PCSK6: variants seen among roughly 807,000 people sequenced by gnomAD.
PCSK6 encodes the protein proprotein convertase subtilisin/kexin type 6, also known as paired basic amino acid cleaving enzyme 4.
A neutral mutation model predicts 123.3 loss-of-function variants in PCSK6; 85 were observed. The observed-to-expected ratio is 0.69, with a 90% CI of 0.58 to 0.83. The LOEUF (loss-of-function observed/expected upper bound fraction) is 0.83. Among genes scored for constraint, PCSK6 ranks in the 40% least tolerant of loss-of-function variants. The probability of loss-of-function intolerance (pLI) is 0.00; values close to 1 mark genes in which losing one functional copy is unlikely to be tolerated. For synonymous variants in PCSK6, 508 were observed against 516.0 expected, an observed-to-expected ratio of 0.98 and a Z score of 0.21; for missense variants, 1,191 against 1,282.3, an observed-to-expected ratio of 0.93 and a Z score of 1.09.
At chr15:101,351,595 G>A (rs1384579501) in intron 13 of PCSK6, among the ~76,000 whole-genome samples, 2 of 152,126 alleles carry the variant, frequency 1.3e-5, no homozygotes, top group East Asian at 1.9e-4. Context: ...TATAATACAA[G>A]CAATGTATAT....
chr15:101,451,813 A>G (rs2057043704), intron 1 of PCSK6, among the ~76,000 whole-genome samples: 1 of 152,208 alleles, frequency 6.6e-6, no homozygotes, highest in African/African-American at 2.4e-5. Flanking sequence ...TAGACTCTAT[A>G]AAAACCTACA....
intron 6 of PCSK6, among the ~76,000 whole-genome samples, chr15:101,419,383 A>C (rs2056002403): frequency 6.6e-6 from 1 of 152,186 alleles, no homozygotes. Context: ...GATATGGAGA[A>C]AGTGATAAAA....
chr15:101,451,870 AC>A (rs1429246242), intron 1 of PCSK6, among the ~76,000 whole-genome samples: 2 of 152,240 alleles, frequency 1.3e-5, no homozygotes, highest in Non-Finnish European at 2.9e-5. Context: ...CCTGAAAAAA[AC>A]GTTATAAATA....
rs372254044 is a variant in PCSK6 at position 101,389,575 on chromosome 15, G to C, written c.1210-11C>G. ...CAGATCCGTGGTGACCTGGGGGAGA[G>C]AGAAGCACAGTGAGGCAGTGATGGC... On this transcript the variant is annotated splice_polypyrimidine_tract_variant and intron_variant, in intron 8 of 21. Transcript: ENST00000611716. 31 of 1,601,642 alleles carry C rather than the reference G, an allele frequency of 1.9e-5. No individual in the cohort carries two copies. The highest frequency in any genetic ancestry group is 2.6e-5 in the Non-Finnish European group (30 of 1,170,544).
intron 3 of PCSK6, 81 bp downstream of exon 3, chr15:101,431,909 C>A: frequency 1.0e-6 from 1 of 987,666 alleles, no homozygotes; most frequent in Admixed American, 2.0e-5. Context: ...TTGAATTTAG[C>A]TTTGTTGAGG....
chr15:101,476,590 T>C (rs1166150522), intron 1 of PCSK6, among the ~76,000 whole-genome samples: 1 of 151,862 alleles, frequency 6.6e-6, no homozygotes, highest in Non-Finnish European at 1.5e-5. Context: ...CAAAAATTCT[T>C]TTTGTGTGTA....
chr15:101,394,872 C>T (rs533508208), intron 7 of PCSK6, among the ~76,000 whole-genome samples: 7 of 152,320 alleles, frequency 4.6e-5, no homozygotes, highest in Admixed American at 3.9e-4. Context: ...AAGGCTGCCG[C>T]GTCCACTCTG....
chr15:101,455,144 G>C (rs1265297610), intron 1 of PCSK6, among the ~76,000 whole-genome samples: 2 of 142,436 alleles, frequency 1.4e-5, no homozygotes, highest in Non-Finnish European at 3.2e-5. Flanking sequence ...ATGTGTATTT[G>C]ACCACAGCAA....
chr15:101,447,588 A>G lies in PCSK6; in HGVS notation c.298-3928T>C, dbSNP rs573803357. ...ACTGCCACACTTTTAGGACCTCTTCAGGGTCAAATGGACAGCGGTGGACTC... is the reference window on the plus strand; with the variant it reads ...ACTGCCACACTTTTAGGACCTCTTCGGGGTCAAATGGACAGCGGTGGACTC... On this transcript the variant is annotated intron_variant, in intron 1 of 21. Transcript: ENST00000611716. Among the ~76,000 whole-genome samples, 4 of 152,350 alleles carry G rather than the reference A, an allele frequency of 2.6e-5. No individual in the cohort carries two copies. The East Asian group carries it at 7.7e-4, about 29-fold the overall frequency.
chr15:101,418,007 A>C (rs940762789), intron 6 of PCSK6, among the ~76,000 whole-genome samples: 2 of 152,176 alleles, frequency 1.3e-5, no homozygotes, highest in Non-Finnish European at 2.9e-5. Flanking sequence ...AAAAAAGAGG[A>C]GATGTCACAA....
In PCSK6 at chr15:101,398,002, G is replaced by A. The variant is rs944092353; in HGVS notation, c.996+402C>T. Among the ~76,000 whole-genome samples the A allele has an allele frequency of 2.6e-5, 4 of 152,238 alleles. No individual in the cohort carries two copies. The highest frequency in any genetic ancestry group is 9.6e-5 in the African/African-American group (4 of 41,462). On this transcript the variant is annotated intron_variant, in intron 7 of 21. Coordinates refer to ENST00000611716, the MANE Select transcript of PCSK6 (RefSeq NM_002570.5). This position sits in a 1 kb window ranked among gnomAD's most constrained non-coding sequence, Gnocchi z 4.6. ...ACATACCCCGCGATGAATGCACAGAGTTCCACAGCTGGGTGTTTCTAAGGG... is the reference window on the plus strand; with the variant it reads ...ACATACCCCGCGATGAATGCACAGAATTCCACAGCTGGGTGTTTCTAAGGG...
At chr15:101,399,883 C>A (rs1015385530) in intron 6 of PCSK6, among the ~76,000 whole-genome samples, 5 of 152,138 alleles carry the variant, frequency 3.3e-5, no homozygotes, top group African/African-American at 9.7e-5. Context: ...ATGACCATGC[C>A]TTCATCAAGA....
At chr15:101,417,131 T>C (rs186207387) in intron 6 of PCSK6, among the ~76,000 whole-genome samples, 74 of 152,354 alleles carry the variant, frequency 4.9e-4, no homozygotes, top group African/African-American at 1.1e-3. Flanking sequence ...TGATAGTGAA[T>C]AAGTCTTATG....
intron 1 of PCSK6, among the ~76,000 whole-genome samples, chr15:101,470,478 T>A (rs1200814948): frequency 6.6e-6 from 1 of 152,186 alleles, no homozygotes; most frequent in East Asian, 1.9e-4. Context: ...AAATGTCACA[T>A]CTTCCTCTTG....
rs1304104392 is a variant in PCSK6 at position 101,416,380 on chromosome 15, T to C, written c.823+11512A>G. The stretch of plus-strand genomic sequence containing the variant: ...AGTAGCAAAGCATTTAAAAGGTGAC[T>C]TGGGTGCTGTTAAAGCCATTCTGTT... On this transcript the variant is annotated intron_variant, in intron 6 of 21. Transcript: ENST00000611716. Among the ~76,000 whole-genome samples the C allele has an allele frequency of 2.0e-5, 3 of 152,186 alleles. No individual in the cohort carries two copies. In the East Asian group the frequency reaches 5.8e-4, roughly 29 times the overall value.
rs556479699 is a variant in PCSK6, at chr15:101,463,318, G to A, written c.298-19658C>T. 9.1e-4 allele frequency among the ~76,000 whole-genome samples: 138 copies of A among 152,232 alleles called. No individual in the cohort carries two copies. The South Asian group carries it at 0.012, about 14-fold the overall frequency. ...TCTACAGGGTAACTTCTGGCTGGCC[G>A]TGTTTCTCCCCGAATATCACTGCTC... On this transcript the variant is annotated intron_variant, in intron 1 of 21. Transcript: ENST00000611716.
chr15:101,452,357 T>C lies in PCSK6; in HGVS notation c.298-8697A>G, dbSNP rs141395912. Among the ~76,000 whole-genome samples the C allele has an allele frequency of 3.2e-3, 495 of 152,342 alleles. 10 individuals are homozygous for C. The South Asian group carries it at 0.04, about 12-fold the overall frequency. On this transcript the variant is annotated intron_variant, in intron 1 of 21. Coordinates refer to ENST00000611716, the MANE Select transcript of PCSK6 (RefSeq NM_002570.5). ...CAATCCTGACTTTGAAGATCTCCAT[T>C]TTAAATCATTTCCTGGTTGCAGGTT...
intron 1 of PCSK6, among the ~76,000 whole-genome samples, chr15:101,446,034 C>T (rs963787080): frequency 2.0e-5 from 3 of 152,212 alleles, no homozygotes; most frequent in East Asian, 1.9e-4. Context: ...TCTCCACGAA[C>T]GATCCAGGAA....
chr15:101,350,825 G>A (rs149542959), intron 13 of PCSK6, among the ~76,000 whole-genome samples: 27 of 152,292 alleles, frequency 1.8e-4, no homozygotes, highest in South Asian at 1.5e-3. Context: ...CCCTCTACCC[G>A]TTCAATTCCC....
Sources: gnomAD v4.1 joint callset for allele counts (sites outside exome capture counted in the v4.1 genomes callset) on GRCh38, gnomAD v4.1.1 for gene constraint, Gnocchi (gnomAD v3.1) non-coding constraint, MANE v1.5 for transcripts, NCBI Gene and HGNC (gene_info 2026-07-23, HGNC 2026-07-21) for gene names.